Variants in HNF4G observed in about 807,000 individuals in gnomAD.
The protein encoded by HNF4G is hepatocyte nuclear factor 4 gamma, also known as hepatocyte nuclear factor 4-gamma.
In HNF4G, 21 loss-of-function variants were observed where a neutral mutation model predicts 50.9. The observed-to-expected ratio is 0.41, with a 90% CI of 0.29 to 0.59. The LOEUF is 0.59. HNF4G is among the 20% of genes least tolerant of loss of function. The pLI is 0.26. For synonymous variants in HNF4G, 198 were observed against 185.6 expected (o/e 1.07, Z -0.54); for missense variants, 527 against 559.4 (o/e 0.94, Z 0.58).
At chr8:75,549,151 G>A (rs1806872748) in intron 3 of HNF4G, among the ~76,000 whole-genome samples, 1 of 152,080 alleles carries the variant, frequency 6.6e-6, no homozygotes, top group East Asian at 1.9e-4. Flanking sequence ...TTTATCTTTT[G>A]TTCATAAAAG....
intron 1 of HNF4G, among the ~76,000 whole-genome samples, chr8:75,408,769 A>G (rs985276663): frequency 3.9e-5 from 6 of 152,242 alleles, no homozygotes; most frequent in Admixed American, 3.9e-4. Context: ...CTGTACAACA[A>G]GCAAAACAAT....
At chr8:75,430,496 G>C (rs1563503211) in intron 1 of HNF4G, among the ~76,000 whole-genome samples, 2 of 146,178 alleles carry the variant, frequency 1.4e-5, no homozygotes, top group Non-Finnish European at 1.5e-5. Flanking sequence ...GAGAGAGAGA[G>C]AGAGAGGGAG....
chr8:75,463,772 A>ATTTT (rs373640826), intron 1 of HNF4G, among the ~76,000 whole-genome samples: 1 of 115,582 alleles, frequency 8.7e-6, no homozygotes, highest in Non-Finnish European at 1.8e-5. Flanking sequence ...GAATATGTTG[A>ATTTT]TTTTTTTTTT....
At chr8:75,505,533 C>T (rs1199099072) in intron 2 of HNF4G, among the ~76,000 whole-genome samples, 1 of 152,120 alleles carries the variant, frequency 6.6e-6, no homozygotes, top group Admixed American at 6.5e-5. Context: ...AAACAATATT[C>T]ACTCACTAAA....
At chr8:75,467,545 AACT>A (rs1362146320) in intron 1 of HNF4G, among the ~76,000 whole-genome samples, 2 of 152,078 alleles carry the variant, frequency 1.3e-5, no homozygotes, top group African/African-American at 4.8e-5. Flanking sequence ...CTGTAGTCCC[AACT>A]ACTGGGGAGG....
rs2130817245 is a variant in HNF4G at position 75,560,386 on chromosome 8, C to A, written c.1166C>A (p.Pro389Gln). 1 of 1,613,136 alleles carries A rather than the reference C, an allele frequency of 6.2e-7. No homozygotes were observed. The highest frequency in any genetic ancestry group is 1.3e-5 in the African/African-American group (1 of 75,004). Residue 389 changes from proline to glutamine, a missense_variant, in exon 9 of 10, where the codon CCA (proline) becomes CAA (glutamine). Transcript: ENST00000396423. ...AGTCATCTCCATCATCCAATGCATC[C>A]ACATTTGTCTCAAGACCCATTAACT... ...DGSHLHHPMH[P>Q]HLSQDPLTGQ...
At chr8:75,431,647 G>T (rs1811017507) in intron 1 of HNF4G, among the ~76,000 whole-genome samples, 1 of 152,144 alleles carries the variant, frequency 6.6e-6, no homozygotes, top group African/African-American at 2.4e-5. Flanking sequence ...AGATGCTAAG[G>T]CCCGGCACAG....
chr8:75,506,084 T>C (rs921508198), intron 2 of HNF4G, among the ~76,000 whole-genome samples: 8 of 152,018 alleles, frequency 5.3e-5, no homozygotes, highest in African/African-American at 1.7e-4. Context: ...AATGATTATG[T>C]CAGTAATTTA....
intron 2 of HNF4G, among the ~76,000 whole-genome samples, chr8:75,544,651 T>G (rs530334892): frequency 2.6e-4 from 7 of 26,948 alleles, no homozygotes; most frequent in African/African-American, 5.0e-4. Flanking sequence ...TTTTCTTGGG[T>G]TTTTTTTTTT....
chr8:75,527,671 G>T (rs1806219921), intron 2 of HNF4G, among the ~76,000 whole-genome samples: 1 of 152,082 alleles, frequency 6.6e-6, no homozygotes, highest in Non-Finnish European at 1.5e-5. Flanking sequence ...ATTACAATCA[G>T]AATTCAAATA....
At chr8:75,441,964 ATAAAG>A (rs1811296976) in intron 1 of HNF4G, among the ~76,000 whole-genome samples, 1 of 152,234 alleles carries the variant, frequency 6.6e-6, no homozygotes, top group African/African-American at 2.4e-5. Context: ...ATGATTTACT[ATAAAG>A]TAGAGAAAAT....
exon 1 of HNF4G, chr8:75,408,122 G>A (rs1810407526): frequency 6.5e-6 from 1 of 152,742 alleles, no homozygotes; most frequent in South Asian, 2.1e-4. Flanking sequence ...GATACCCCGA[G>A]GCCTCGCCCA....
At position 75,486,115 on chromosome 8, in the gene HNF4G, C is replaced by A. The variant is rs1812491866; in HGVS notation, c.-143-3974C>A. ...GCCAGACTTACAGATGAATGAATGA[C>A]TGAATGAATTACAGTCCCTGCCTTA... On this transcript the variant is annotated intron_variant, in intron 1 of 10. Transcript: ENST00000354370. 3.3e-5 allele frequency among the ~76,000 whole-genome samples: 5 copies of A among 152,200 alleles called. No individual in the cohort carries two copies. In the South Asian group the frequency reaches 1.0e-3, roughly 31 times the overall value.
chr8:75,420,065 TAA>T (rs371817715), intron 1 of HNF4G, among the ~76,000 whole-genome samples: 38 of 148,776 alleles, frequency 2.6e-4, no homozygotes, highest in African/African-American at 8.9e-4. Context: ...AGAACTAGGT[TAA>T]AAAAAAAACT....
intron 1 of HNF4G, among the ~76,000 whole-genome samples, chr8:75,472,217 C>T (rs1278289438): frequency 5.9e-5 from 9 of 152,058 alleles, no homozygotes; most frequent in African/African-American, 1.9e-4. Context: ...AGATAAAGAA[C>T]GTGATTGGAG....
chr8:75,470,303 G>A (rs1812085642), intron 1 of HNF4G, among the ~76,000 whole-genome samples: 1 of 152,132 alleles, frequency 6.6e-6, no homozygotes, highest in South Asian at 2.1e-4. Flanking sequence ...GACATATAAA[G>A]TGTAAAGAAG....
chr8:75,518,775 G>A (rs1805962499), intron 2 of HNF4G, among the ~76,000 whole-genome samples: 1 of 152,016 alleles, frequency 6.6e-6, no homozygotes, highest in Non-Finnish European at 1.5e-5. Flanking sequence ...CCTGGCTTGT[G>A]ATGGGAGGGA....
intron 2 of HNF4G, among the ~76,000 whole-genome samples, chr8:75,502,883 A>G (rs1437097634): frequency 2.0e-5 from 3 of 152,228 alleles, no homozygotes; most frequent in Non-Finnish European, 4.4e-5. Flanking sequence ...GTAGGGGAGT[A>G]GTCCAATATA....
chr8:75,410,561 C>T (rs1563495402), intron 1 of HNF4G, among the ~76,000 whole-genome samples: 1 of 152,176 alleles, frequency 6.6e-6, no homozygotes, highest in Non-Finnish European at 1.5e-5. Flanking sequence ...GCTGGAGATA[C>T]TGATACATGA....
Sources: allele counts gnomAD v4.1 joint callset (sites outside exome capture counted in the v4.1 genomes callset), GRCh38; gene constraint gnomAD v4.1.1; transcripts MANE v1.5; gene names NCBI Gene and HGNC (gene_info 2026-07-23, HGNC 2026-07-21).